Variants in GALNT17 observed in about 807,000 individuals in gnomAD.
GALNT17 encodes polypeptide N-acetylgalactosaminyltransferase 17.
A neutral mutation model predicts 63.7 loss-of-function variants in GALNT17; 29 were observed. The observed-to-expected ratio is 0.46, with a 90% CI of 0.34 to 0.62. The LOEUF is 0.62. GALNT17 is among the 20% of genes least tolerant of loss of function. The probability of loss-of-function intolerance (pLI) is 0.01; values close to 1 mark genes in which losing one functional copy is unlikely to be tolerated. For synonymous variants in GALNT17, 305 were observed against 318.3 expected, an observed-to-expected ratio of 0.96 and a Z score of 0.45; for missense variants, 603 against 799.6, an observed-to-expected ratio of 0.75 and a Z score of 2.97.
rs143070436 is a variant in GALNT17, at chr7:71,571,125, G to A, written c.963-160G>A. Among the ~76,000 whole-genome samples, 390 of 121,600 alleles carry A rather than the reference G, an allele frequency of 3.2e-3. 7 individuals are homozygous for A. The highest frequency in any genetic ancestry group is 0.011 in the African/African-American group (252 of 23,226). The allele number at this position is 121,600 out of a possible 152,430, so 79.8% of individuals were successfully genotyped here. ...CATGCTAGGCTGGAACCCAGTACAT[G>A]CTAGGCTGGAACCCAGTACATGCTA... On this transcript the variant is annotated intron_variant, in intron 5 of 10. Coordinates refer to ENST00000333538, the MANE Select transcript of GALNT17 (RefSeq NM_022479.3).
chr7:71,520,697 G>A (rs757855035), intron 5 of GALNT17, among the ~76,000 whole-genome samples: 4 of 152,022 alleles, frequency 2.6e-5, no homozygotes, highest in Non-Finnish European at 5.9e-5. Context: ...CTGGAATCCC[G>A]GCAAACTCTT....
At chr7:71,605,455 G>A (rs562987400) in intron 6 of GALNT17, among the ~76,000 whole-genome samples, 3 of 152,052 alleles carry the variant, frequency 2.0e-5, no homozygotes, top group South Asian at 2.1e-4. Context: ...GCGTGGTGGC[G>A]TGCGCTTGTA....
chr7:71,598,658 G>A (rs552539121), intron 6 of GALNT17, among the ~76,000 whole-genome samples: 34 of 152,294 alleles, frequency 2.2e-4, no homozygotes, highest in African/African-American at 7.2e-4. Context: ...GACTTGAGAT[G>A]AAAAGAATCT....
intron 2 of GALNT17, among the ~76,000 whole-genome samples, chr7:71,384,750 G>A (rs969366758): frequency 2.4e-4 from 37 of 152,114 alleles, no homozygotes; most frequent in African/African-American, 8.5e-4. Flanking sequence ...AAGCTTACAA[G>A]ATTTCTCCTG....
intron 6 of GALNT17, among the ~76,000 whole-genome samples, chr7:71,662,407 A>G (rs1302617013): frequency 6.6e-6 from 1 of 152,056 alleles, no homozygotes; most frequent in Non-Finnish European, 1.5e-5. Context: ...TTCACATACC[A>G]TTATAATTCG....
At position 71,193,278 on chromosome 7, in the gene GALNT17, T is replaced by G. The variant is rs117529270; in HGVS notation, c.238+60238T>G. Among the ~76,000 whole-genome samples, 481 of 151,626 alleles carry G rather than the reference T, an allele frequency of 3.2e-3. 20 individuals are homozygous for G. In the East Asian group the frequency reaches 0.077, roughly 24 times the overall value. ...TATGCCCAGCTAATTTTTAAATTGT[T>G]TTGTAGAGGTGGGGTCTTGCTGTAT... On this transcript the variant is annotated intron_variant, in intron 1 of 10. Coordinates refer to ENST00000333538, the MANE Select transcript of GALNT17 (RefSeq NM_022479.3).
chr7:71,667,886 G>A (rs1381011272), intron 7 of GALNT17, among the ~76,000 whole-genome samples: 9 of 151,526 alleles, frequency 5.9e-5, no homozygotes, highest in Admixed American at 3.9e-4. Context: ...TGTAACCTCC[G>A]TCTCCCAGGT....
At chr7:71,448,357 ATG>A (rs113851150) in intron 5 of GALNT17, among the ~76,000 whole-genome samples, 63 of 147,078 alleles carry the variant, frequency 4.3e-4, no homozygotes, top group Middle Eastern at 3.5e-3. Context: ...CTTCGTGTGT[ATG>A]TGTGTGTGTG....
chr7:71,361,195 A>G (rs4719117), intron 2 of GALNT17, among the ~76,000 whole-genome samples: 40,117 of 152,014 alleles, frequency 0.26, 5,860 homozygotes, highest in East Asian at 0.46. Flanking sequence ...AGTTTTTACT[A>G]TCTATACCAG....
intron 6 of GALNT17, among the ~76,000 whole-genome samples, chr7:71,598,031 A>T (rs145228488): frequency 0.013 from 1,886 of 148,860 alleles, 50 homozygotes; most frequent in African/African-American, 0.043. Flanking sequence ...TGCAACCTCC[A>T]CCTCCCAGGT....
chr7:71,292,391 A>G (rs1433187319), intron 1 of GALNT17, among the ~76,000 whole-genome samples: 1 of 152,200 alleles, frequency 6.6e-6, no homozygotes, highest in Non-Finnish European at 1.5e-5. Context: ...AGTTGATTAA[A>G]GGATTATTTT....
intron 5 of GALNT17, among the ~76,000 whole-genome samples, chr7:71,468,348 A>G (rs781466176): frequency 4.0e-5 from 6 of 151,564 alleles, no homozygotes; most frequent in Non-Finnish European, 7.4e-5. Context: ...GGCATTCTTC[A>G]TATGATAGAT....
At chr7:71,569,452 G>A (rs934366618) in intron 5 of GALNT17, among the ~76,000 whole-genome samples, 6 of 152,018 alleles carry the variant, frequency 3.9e-5, no homozygotes, top group South Asian at 2.1e-4. Context: ...TTGGAGTTCC[G>A]AAGTGACTAT....
At chr7:71,464,494 G>T (rs149501983) in intron 5 of GALNT17, among the ~76,000 whole-genome samples, 1 of 152,110 alleles carries the variant, frequency 6.6e-6, no homozygotes, top group South Asian at 2.1e-4. Flanking sequence ...GTGGGGTTGG[G>T]GAAAGGCTCT....
chr7:71,486,834 A>C (rs1787918383), intron 5 of GALNT17, among the ~76,000 whole-genome samples: 1 of 150,806 alleles, frequency 6.6e-6, no homozygotes, highest in Non-Finnish European at 1.5e-5. Flanking sequence ...TTGCACTTCA[A>C]CCTGGGCAAC....
At chr7:71,590,157 A>C (rs1331687135) in intron 6 of GALNT17, among the ~76,000 whole-genome samples, 1 of 152,228 alleles carries the variant, frequency 6.6e-6, no homozygotes. Context: ...TATTATATTT[A>C]TGTCGAAGTT....
intron 5 of GALNT17, among the ~76,000 whole-genome samples, chr7:71,453,011 C>T (rs947559513): frequency 6.6e-6 from 1 of 152,154 alleles, no homozygotes; most frequent in African/African-American, 2.4e-5. Flanking sequence ...CCATCATTTT[C>T]TCTGTTCTCT....
chr7:71,609,602 A>G (rs1181388765), intron 6 of GALNT17, among the ~76,000 whole-genome samples: 9 of 152,208 alleles, frequency 5.9e-5, no homozygotes, highest in Admixed American at 5.9e-4. Flanking sequence ...AGATGCTTTG[A>G]TACGGGCATG....
chr7:71,695,005 T>A (rs1023796858), intron 9 of GALNT17, among the ~76,000 whole-genome samples: 1 of 152,238 alleles, frequency 6.6e-6, no homozygotes, highest in Admixed American at 6.5e-5. Flanking sequence ...AAGAAATTCA[T>A]GTCATCAGCG....
Sources: allele counts gnomAD v4.1 joint callset (sites outside exome capture counted in the v4.1 genomes callset), GRCh38; gene constraint gnomAD v4.1.1; transcripts MANE v1.5; gene names NCBI Gene and HGNC (gene_info 2026-07-23, HGNC 2026-07-21).